MGAT4C: variants seen among roughly 807,000 people sequenced by gnomAD.
MGAT4C encodes MGAT4 family member C.
MGAT4C carries 19 observed loss-of-function variants against 40.1 expected under a neutral mutation model. The observed-to-expected ratio is 0.47, with a 90% CI of 0.33 to 0.70. The LOEUF (loss-of-function observed/expected upper bound fraction) is 0.70. Ranked by LOEUF, MGAT4C falls within the 30% of genes least tolerant of loss-of-function variation. The probability of loss-of-function intolerance (pLI) is 0.02; values close to 1 mark genes in which losing one functional copy is unlikely to be tolerated. For synonymous variants in MGAT4C, 181 were observed against 187.1 expected, an observed-to-expected ratio of 0.97 and a Z score of 0.27; for missense variants, 491 against 563.2, an observed-to-expected ratio of 0.87 and a Z score of 1.30.
chr12:86,170,458 G>A (rs962528309), intron 1 of MGAT4C, among the ~76,000 whole-genome samples: 4 of 152,034 alleles, frequency 2.6e-5, no homozygotes, highest in African/African-American at 7.2e-5. Flanking sequence ...TTCTTTTAGC[G>A]ACTATTTACT....
At chr12:86,390,341 TTTTA>T (rs1467595894) in intron 3 of MGAT4C, among the ~76,000 whole-genome samples, 4 of 152,198 alleles carry the variant, frequency 2.6e-5, no homozygotes, top group African/African-American at 7.2e-5. Flanking sequence ...AAGAAACAAA[TTTTA>T]TTTATTATCA....
At chr12:86,259,746 T>C (rs1286203800), upstream of MGAT4C, among the ~76,000 whole-genome samples, 3 of 150,652 alleles carry the variant, frequency 2.0e-5, no homozygotes, top group Non-Finnish European at 3.0e-5. Flanking sequence ...AAACACTCTA[T>C]AGACATCAAT....
At chr12:86,523,795 ATAGT>A (rs1168010084) in intron 2 of MGAT4C, among the ~76,000 whole-genome samples, 4 of 152,140 alleles carry the variant, frequency 2.6e-5, no homozygotes, top group African/African-American at 4.8e-5. Context: ...TATATTTAGG[ATAGT>A]TAGGTGTTCT....
chr12:86,358,423 C>T (rs985758116), intron 3 of MGAT4C, among the ~76,000 whole-genome samples: 2 of 152,078 alleles, frequency 1.3e-5, no homozygotes, highest in African/African-American at 4.8e-5. Context: ...CATCAACTAA[C>T]AAGCAAAATA....
chr12:86,252,776 T>C (rs1176995930), intron 1 of MGAT4C, among the ~76,000 whole-genome samples: 1 of 151,974 alleles, frequency 6.6e-6, no homozygotes, highest in African/African-American at 2.4e-5. Context: ...CAAACAACTG[T>C]AAACTCGGCA....
intron 2 of MGAT4C, among the ~76,000 whole-genome samples, chr12:86,655,327 A>G (rs1384158516): frequency 1.3e-5 from 2 of 152,164 alleles, no homozygotes; most frequent in East Asian, 3.9e-4. Context: ...CTTCAACTCC[A>G]TTCAACTCTG....
intron 1 of MGAT4C, among the ~76,000 whole-genome samples, chr12:86,159,129 T>C (rs182706215): frequency 4.1e-4 from 63 of 152,206 alleles, no homozygotes; most frequent in Admixed American, 4.1e-3. Context: ...AGGGAAATGG[T>C]TTGAGCTTTT....
At chr12:86,284,275 T>C (rs1394969989) in intron 4 of MGAT4C, among the ~76,000 whole-genome samples, 1 of 151,890 alleles carries the variant, frequency 6.6e-6, no homozygotes, top group Non-Finnish European at 1.5e-5. Flanking sequence ...GAGATGAATG[T>C]TTATATATAT....
At chr12:86,445,238 C>T (rs1376576212) in intron 2 of MGAT4C, among the ~76,000 whole-genome samples, 1 of 152,052 alleles carries the variant, frequency 6.6e-6, no homozygotes, top group East Asian at 1.9e-4. Context: ...CATAAAACCT[C>T]TAAAAATTAG....
chr12:86,495,846 C>T (rs1958226169), intron 2 of MGAT4C, among the ~76,000 whole-genome samples: 1 of 151,944 alleles, frequency 6.6e-6, no homozygotes, highest in Admixed American at 6.6e-5. Context: ...ATGACTACAT[C>T]CAGACAATAA....
At position 86,766,888 on chromosome 12, in the gene MGAT4C, T is replaced by C. The variant is rs557630840; in HGVS notation, c.-261-39647A>G. On this transcript the variant is annotated intron_variant, in intron 1 of 7. Transcript: ENST00000548651. ...AAAGCAGTGTGTAGAGGGAAATTTA[T>C]AGCACTAAATGCCCACAAGAGAAAG... Among the ~76,000 whole-genome samples the C allele has an allele frequency of 6.1e-4, 93 of 152,084 alleles. 1 individual carries two copies. Among genetic ancestry groups the C allele is most frequent in the African/African-American group, 2.2e-3 (92 of 41,484 alleles).
chr12:86,619,631 G>A (rs190984685), intron 2 of MGAT4C, among the ~76,000 whole-genome samples: 1 of 152,024 alleles, frequency 6.6e-6, no homozygotes, highest in African/African-American at 2.4e-5. Context: ...GCCTCACTCT[G>A]TCTCCTGTGC....
intron 1 of MGAT4C, among the ~76,000 whole-genome samples, chr12:86,102,048 G>C (rs1207906681): frequency 2.6e-5 from 4 of 151,788 alleles, no homozygotes; most frequent in Non-Finnish European, 4.4e-5. Flanking sequence ...ACAGAGAAGA[G>C]AAATAAAATA....
intron 2 of MGAT4C, among the ~76,000 whole-genome samples, chr12:86,676,025 T>A (rs1363049968): frequency 3.3e-5 from 5 of 150,748 alleles, no homozygotes; most frequent in Non-Finnish European, 7.4e-5. Context: ...ACGAAAAAAT[T>A]AACCACTGAA....
At chr12:86,707,401 A>G (rs1189258357) in intron 2 of MGAT4C, among the ~76,000 whole-genome samples, 2 of 152,116 alleles carry the variant, frequency 1.3e-5, no homozygotes, top group Admixed American at 6.6e-5. Flanking sequence ...TGGGAACTGG[A>G]GCAAAGGTGA....
At chr12:86,820,726 C>T (rs1469962250) in intron 1 of MGAT4C, among the ~76,000 whole-genome samples, 1 of 150,870 alleles carries the variant, frequency 6.6e-6, no homozygotes, top group African/African-American at 2.4e-5. Context: ...AAGAGAGATA[C>T]AATATCTTGA....
At chr12:85,996,371 G>A (rs1886620669) in intron 2 of MGAT4C, among the ~76,000 whole-genome samples, 4 of 152,140 alleles carry the variant, frequency 2.6e-5, no homozygotes, top group Non-Finnish European at 5.9e-5. Context: ...AGAATAGCAG[G>A]AGAAAAGATA....
Position 85,979,299 on chromosome 12 carries a change from C to T in MGAT4C, c.1427G>A (p.Trp476Ter), listed in dbSNP as rs1884256446. 2 of 1,588,408 alleles carry T rather than the reference C, an allele frequency of 1.3e-6. No homozygotes were observed. The highest frequency in any genetic ancestry group is 1.1e-5 in the South Asian group (1 of 87,240). The change falls in exon 5 of 5, where the codon TGG becomes TAG. Residue 476 changes from tryptophan to a stop codon, truncating the protein, a stop_gained. Transcript: ENST00000611864. LOFTEE classifies it high-confidence loss of function. ...TACTGATTTAATTGGCTAAGAAGTC[C>T]AAATGCTAATACTCCTAATAATTAG... ...EWLIIRSISIWTS is the reference protein window; with the variant it reads ...EWLIIRSISI
Position 86,723,513 on chromosome 12 carries a change from C to T in MGAT4C, c.-229+3696G>A, listed in dbSNP as rs1950770474. Among the ~76,000 whole-genome samples the T allele has an allele frequency of 2.0e-5, 3 of 152,194 alleles. No homozygotes were observed. The South Asian group carries it at 6.2e-4, about 32-fold the overall frequency. On this transcript the variant is annotated intron_variant, in intron 2 of 7. Coordinates refer to the MGAT4C transcript ENST00000548651. ...CTCTTTGTCTGTCGCTGGCCATCTT[C>T]TTGCTGTGTTTCTTCACATTGTTTT... is the stretch of plus-strand genomic sequence containing the variant.
Sources: allele counts gnomAD v4.1 joint callset (sites outside exome capture counted in the v4.1 genomes callset), GRCh38; gene constraint gnomAD v4.1.1; transcripts MANE v1.5; gene names NCBI Gene and HGNC (gene_info 2026-07-23, HGNC 2026-07-21).